VRTN: variants seen among roughly 807,000 people sequenced by gnomAD.
VRTN encodes vertnin.
In VRTN, 5 loss-of-function variants were observed where a neutral mutation model predicts 18.2. The observed-to-expected ratio is 0.27, with a 90% CI of 0.14 to 0.58. The LOEUF (loss-of-function observed/expected upper bound fraction) is 0.58. Ranked by LOEUF, VRTN falls within the 20% of genes least tolerant of loss-of-function variation. The pLI, the probability that VRTN is intolerant of heterozygous loss-of-function variation, is 0.91. For missense variants in VRTN, 741 were observed against 939.4 expected (o/e 0.79, Z 2.76); for synonymous variants, 381 against 393.7 (o/e 0.97, Z 0.38).
At chr14:74,310,963 T>C (rs2085384876) in intron 1 of VRTN, among the ~76,000 whole-genome samples, 1 of 152,166 alleles carries the variant, frequency 6.6e-6, no homozygotes, top group Admixed American at 6.5e-5. Context: ...AGTGGTGGGA[T>C]TACAGGCATG....
At chr14:74,336,876 A>T (rs1336580279) in intron 1 of VRTN, among the ~76,000 whole-genome samples, 1 of 151,214 alleles carries the variant, frequency 6.6e-6, no homozygotes, top group Non-Finnish European at 1.5e-5. Context: ...CTCTTTTCTT[A>T]CCCCTTTGGC....
At position 74,334,010 on chromosome 14, in the gene VRTN, T is replaced by G. The variant is rs138665000; in HGVS notation, c.-163-3713T>G. 6.8e-4 allele frequency among the ~76,000 whole-genome samples: 104 copies of G among 152,246 alleles called. 1 individual carries two copies. In the East Asian group the frequency reaches 0.016, roughly 23 times the overall value. On this transcript the variant is annotated intron_variant, in intron 1 of 2. Coordinates refer to the VRTN transcript ENST00000557177. ...ACAGTTACAATCACCATTTCACAGA[T>G]GAGGGAACTGAGGCACAAAGAGGTT...
At chr14:74,316,738 G>A (rs1351990034) in intron 1 of VRTN, among the ~76,000 whole-genome samples, 3 of 147,646 alleles carry the variant, frequency 2.0e-5, no homozygotes, top group East Asian at 2.1e-4. Context: ...CCGGGTTCAC[G>A]CCATTCTCCT....
rs2085747939 is a variant in VRTN, at chr14:74,358,186, G to C, written c.1403G>C (p.Gly468Ala). The change falls in exon 2 of 2, where the codon GGG becomes GCG. Residue 468 changes from glycine (G) to alanine (A), a missense_variant. Transcript: ENST00000256362. The surrounding 1 kb of genome is among the most constrained non-coding windows in gnomAD (Gnocchi z 5.4). ...GGGACTCCCCAGCTAGCATCTGTTG[G>C]GGAAGGGGCTGTAATTCCTTGGAAG... ...AAGTPQLASV[G>A]EGAVIPWKSE... 1 of 1,613,748 alleles carries C rather than the reference G, an allele frequency of 6.2e-7. No homozygotes were observed. The highest frequency in any genetic ancestry group is 8.5e-7 in the Non-Finnish European group (1 of 1,179,976).
At chr14:74,316,797 C>T (rs1009651792) in intron 1 of VRTN, among the ~76,000 whole-genome samples, 4 of 151,656 alleles carry the variant, frequency 2.6e-5, no homozygotes, top group Non-Finnish European at 4.4e-5. Context: ...CCACCATGCC[C>T]GGCTAATTTT....
chr14:74,333,290 G>A (rs960343276), intron 1 of VRTN, among the ~76,000 whole-genome samples: 1 of 152,134 alleles, frequency 6.6e-6, no homozygotes, highest in Non-Finnish European at 1.5e-5. Context: ...GGCTGAGGCA[G>A]GAGAACTGCT....
At chr14:74,321,324 C>T (rs1214872105) in intron 1 of VRTN, among the ~76,000 whole-genome samples, 3 of 152,046 alleles carry the variant, frequency 2.0e-5, no homozygotes, top group African/African-American at 4.8e-5. Context: ...TTCCTTTAAC[C>T]TGCACACCCA....
chr14:74,320,639 T>G lies in VRTN; in HGVS notation c.-163-17084T>G, dbSNP rs547152580. On this transcript the variant is annotated intron_variant, in intron 1 of 2. Transcript: ENST00000557177. ...TCTTGCTCTGTCACCCAGGCTAGAG[T>G]GCAGTGGCGTGATCTCGGCTCACTG... Among the ~76,000 whole-genome samples the G allele has an allele frequency of 3.1e-4, 37 of 118,564 alleles. No homozygotes were observed. The Middle Eastern group carries it at 0.023, about 75-fold the overall frequency. The allele number at this position is 118,564 out of a possible 152,430, so 77.8% of individuals were successfully genotyped here.
chr14:74,336,279 T>A (rs2085563584), intron 1 of VRTN, among the ~76,000 whole-genome samples: 1 of 151,942 alleles, frequency 6.6e-6, no homozygotes, highest in Non-Finnish European at 1.5e-5. Context: ...TGGTGCTGCA[T>A]GCTTGTAATC....
intron 1 of VRTN, among the ~76,000 whole-genome samples, chr14:74,311,970 A>C (rs964127584): frequency 8.6e-5 from 13 of 151,648 alleles, no homozygotes; most frequent in African/African-American, 3.2e-4. Context: ...GGGTTTCACC[A>C]TGTTGGCCAG....
upstream of VRTN, among the ~76,000 whole-genome samples, chr14:74,344,407 C>CA (rs58231760): frequency 0.47 from 31,233 of 66,136 alleles, 7,940 homozygotes; most frequent in Admixed American, 0.56. Flanking sequence ...AAGACTGTCT[C>CA]AAAAAAAAAA....
chr14:74,327,794 C>G (rs1338438252), intron 1 of VRTN, among the ~76,000 whole-genome samples: 1 of 152,144 alleles, frequency 6.6e-6, no homozygotes, highest in African/African-American at 2.4e-5. Flanking sequence ...AATCTCAGCT[C>G]ACTGCAACCT....
At chr14:74,329,316 A>G (rs908989224) in intron 1 of VRTN, among the ~76,000 whole-genome samples, 6 of 150,520 alleles carry the variant, frequency 4.0e-5, no homozygotes, top group African/African-American at 1.2e-4. Flanking sequence ...CTTGTCACCC[A>G]GGCTGGCCTG....
At chr14:74,319,118 C>T (rs1433313202) in intron 1 of VRTN, among the ~76,000 whole-genome samples, 2 of 152,002 alleles carry the variant, frequency 1.3e-5, no homozygotes, top group African/African-American at 2.4e-5. Flanking sequence ...CTGAAACCTC[C>T]GCCTCCCAGG....
intron 2 of VRTN, among the ~76,000 whole-genome samples, chr14:74,338,287 C>A (rs1261413551): frequency 6.6e-6 from 1 of 152,138 alleles, no homozygotes; most frequent in Non-Finnish European, 1.5e-5. Context: ...ATTGGAGTTG[C>A]AAATGAAACC....
chr14:74,333,731 T>A (rs1300707006), intron 1 of VRTN, among the ~76,000 whole-genome samples: 1 of 150,962 alleles, frequency 6.6e-6, no homozygotes, highest in African/African-American at 2.4e-5. Flanking sequence ...TTCCTGCTAC[T>A]CTGGAGGCTG....
intron 1 of VRTN, among the ~76,000 whole-genome samples, chr14:74,313,707 G>A (rs1275943029): frequency 6.6e-6 from 1 of 152,192 alleles, no homozygotes; most frequent in Non-Finnish European, 1.5e-5. Context: ...TTGGCTGGGC[G>A]TGGTGGCTCA....
At chr14:74,324,120 G>T (rs191250189) in intron 1 of VRTN, among the ~76,000 whole-genome samples, 6 of 152,176 alleles carry the variant, frequency 3.9e-5, no homozygotes, top group Admixed American at 2.6e-4. Context: ...CGGGCATGGT[G>T]ACTCACGCCT....
chr14:74,318,905 G>A (rs1257999407), intron 1 of VRTN, among the ~76,000 whole-genome samples: 41 of 151,604 alleles, frequency 2.7e-4, no homozygotes, highest in Admixed American at 2.2e-3. Flanking sequence ...AGTAGAGACC[G>A]GGTTTCACCG....
Sources: gnomAD v4.1 joint callset for allele counts (sites outside exome capture counted in the v4.1 genomes callset) on GRCh38, gnomAD v4.1.1 for gene constraint, Gnocchi (gnomAD v3.1) non-coding constraint, MANE v1.5 for transcripts, NCBI Gene and HGNC (gene_info 2026-07-23, HGNC 2026-07-21) for gene names.